The following VPS13A variants were observed in gnomAD, a reference collection of about 807,000 sequenced individuals.
VPS13A encodes the protein vacuolar protein sorting 13 homolog A, also known as intermembrane lipid transfer protein VPS13A.
In VPS13A, 264 loss-of-function variants were observed where a neutral mutation model predicts 390.9. The observed-to-expected ratio is 0.68, with a 90% CI of 0.61 to 0.75. The LOEUF is 0.75. Ranked by LOEUF, VPS13A falls within the 30% of genes least tolerant of loss-of-function variation. The pLI, the probability that VPS13A is intolerant of heterozygous loss-of-function variation, is 0.00. For synonymous variants in VPS13A, 1,231 were observed against 1,227.1 expected (o/e 1.00, Z -0.07); for missense variants, 3,409 against 3,733.9 (o/e 0.91, Z 2.27).
chr9:77,185,135 A>G (rs977818059), intron 1 of VPS13A, among the ~76,000 whole-genome samples: 1 of 151,648 alleles, frequency 6.6e-6, no homozygotes, highest in Non-Finnish European at 1.5e-5. Context: ...CATGTGGGAT[A>G]TGACATTATC....
At chr9:77,344,311 C>A (rs1215570063) in intron 51 of VPS13A, 30 bp downstream of exon 51, 1 of 1,607,900 alleles carries the variant, frequency 6.2e-7, no homozygotes, top group South Asian at 1.1e-5. Flanking sequence ...TTGCATGTGT[C>A]ATTAGGAAAG....
At chr9:77,324,715 G>C (rs753952905) in intron 45 of VPS13A, among the ~76,000 whole-genome samples, 1 of 152,044 alleles carries the variant, frequency 6.6e-6, no homozygotes, top group Non-Finnish European at 1.5e-5. Context: ...ATCTTGCTCT[G>C]TGTCCAGGCT....
rs1021406192 is a variant in VPS13A at position 77,250,309 on chromosome 9, T to G, written c.2170+80T>G. ...TTTTTAGACACTTTGAAGACCTTCC[T>G]CTTAAATGTGTTAGAACGTCTATAT... is the stretch of plus-strand genomic sequence containing the variant. On this transcript the variant is annotated intron_variant, in intron 21 of 71. Coordinates refer to ENST00000360280, the MANE Select transcript of VPS13A (RefSeq NM_033305.3). 9.4e-5 allele frequency: 141 copies of G among 1,493,528 alleles called. 1 individual carries two copies. The East Asian group carries it at 3.2e-3, about 34-fold the overall frequency. The allele number at this position is 1,493,528 out of a possible 1,614,324, so 92.5% of individuals were successfully genotyped here. A position where few individuals can be genotyped will look rare whatever the true frequency, so the allele number is the denominator to read the frequency against.
Position 77,403,261 on chromosome 9 carries a change from A to C in VPS13A, c.9215A>C (p.Lys3072Thr), listed in dbSNP as rs773919045. 3.7e-6 allele frequency: 6 copies of C among 1,612,288 alleles called. No individual in the cohort carries two copies. In the African/African-American group the frequency reaches 8.0e-5, roughly 22 times the overall value. Reference protein sequence around the residue: ...LQVMENGRFAKYKYFTHVMIN... With the variant: ...LQVMENGRFATYKYFTHVMIN... ...GTCATGGAAAATGGAAGATTTGCAA[A>C]ATACAAATATTTTACCCATGTCATG... Residue 3072 changes from lysine (K) to threonine (T), a missense_variant, in exon 69 of 72, where the codon AAA (lysine) becomes ACA (threonine). Lys to Thr is a moderately conservative substitution (Grantham distance 78). Transcript: ENST00000360280.
At chr9:77,183,372 C>T (rs1018320978) in intron 1 of VPS13A, among the ~76,000 whole-genome samples, 4 of 152,224 alleles carry the variant, frequency 2.6e-5, no homozygotes, top group Admixed American at 2.6e-4. Flanking sequence ...TATCTTCTAA[C>T]CCTCCTTGTC....
At chr9:77,359,530 T>TA (rs1231860324) in intron 58 of VPS13A, 128 bp downstream of exon 58, 9 of 911,676 alleles carry the variant, frequency 9.9e-6, no homozygotes, top group Admixed American at 2.3e-5. Flanking sequence ...AAACGTCAAA[T>TA]AAAAAAATAT....
intron 17 of VPS13A, among the ~76,000 whole-genome samples, chr9:77,234,966 C>T (rs1416946767): frequency 1.3e-5 from 2 of 152,098 alleles, no homozygotes; most frequent in Non-Finnish European, 2.9e-5. Flanking sequence ...TTCATCTTTA[C>T]GTTATCATTT....
At chr9:77,185,924 C>T (rs1023378200) in intron 1 of VPS13A, among the ~76,000 whole-genome samples, 1 of 152,072 alleles carries the variant, frequency 6.6e-6, no homozygotes, top group African/African-American at 2.4e-5. Context: ...GTTAAGAGTA[C>T]GAGACCTGCC....
At chr9:77,194,831 G>T (rs1442561700) in intron 1 of VPS13A, among the ~76,000 whole-genome samples, 1 of 151,990 alleles carries the variant, frequency 6.6e-6, no homozygotes, top group Non-Finnish European at 1.5e-5. Context: ...TCTGCTCAGA[G>T]TGTGCTGGTC....
intron 58 of VPS13A, among the ~76,000 whole-genome samples, chr9:77,359,891 AT>A (rs1474424221): frequency 6.6e-6 from 1 of 151,682 alleles, no homozygotes; most frequent in Non-Finnish European, 1.5e-5. Flanking sequence ...GATTTTGGAT[AT>A]TTTATTATTC....
chr9:77,250,074 A>G, intron 20 of VPS13A, 23 bp from the exon 21 acceptor site: 2 of 1,612,692 alleles, frequency 1.2e-6, no homozygotes, highest in East Asian at 2.2e-5. Flanking sequence ...TGCATAGTCT[A>G]AACTATTAAA....
At chr9:77,188,429 C>T (rs941934660) in intron 1 of VPS13A, among the ~76,000 whole-genome samples, 1 of 152,178 alleles carries the variant, frequency 6.6e-6, no homozygotes, top group South Asian at 2.1e-4. Flanking sequence ...ATCCATGTTG[C>T]TGCAAAGGGC....
At chr9:77,189,847 T>A (rs1824567284) in intron 1 of VPS13A, among the ~76,000 whole-genome samples, 1 of 143,640 alleles carries the variant, frequency 7.0e-6, no homozygotes, top group Non-Finnish European at 1.5e-5. Flanking sequence ...CCTAGGCATT[T>A]TATTCTTTTT....
In VPS13A at chr9:77,250,033, A is replaced by C. The variant is rs940486388; in HGVS notation, c.2038-64A>C. The C allele has an allele frequency of 9.6e-6, 15 of 1,559,582 alleles. No homozygotes were observed. The African/African-American group carries it at 2.1e-4, about 21-fold the overall frequency. ...TTAACATTTTATAAGTCTAAAAATT[A>C]AACACTTTATACTTACATTTTGAAG... On this transcript the variant is annotated intron_variant, in intron 20 of 71. Transcript: ENST00000360280.
At chr9:77,223,704 G>A (rs941746840) in intron 13 of VPS13A, among the ~76,000 whole-genome samples, 3 of 123,258 alleles carry the variant, frequency 2.4e-5, no homozygotes, top group Non-Finnish European at 5.3e-5. Flanking sequence ...TTTAAGGGAA[G>A]AAGCTGTCTC....
chr9:77,417,324 C>T lies in VPS13A; in HGVS notation c.*1318C>T, dbSNP rs903863198. ...ATTCTTCTCAGGCTCCTTAAACCCTCGCTTTGTTGTAAAAGCTAAAATAAA... is the reference window on the plus strand; with the variant it reads ...ATTCTTCTCAGGCTCCTTAAACCCTTGCTTTGTTGTAAAAGCTAAAATAAA... On this transcript the variant is annotated 3_prime_UTR_variant, in exon 72 of 72. Coordinates refer to ENST00000360280, the MANE Select transcript of VPS13A (RefSeq NM_033305.3). 4 of 152,152 alleles carry T rather than the reference C, an allele frequency of 2.6e-5. No homozygotes were observed. Among genetic ancestry groups the T allele is most frequent in the African/African-American group, 7.2e-5 (3 of 41,440 alleles). The allele number at this position is 152,152 out of a possible 1,614,324, so 9.4% of individuals were successfully genotyped here. A position where few individuals can be genotyped will look rare whatever the true frequency, so the allele number is the denominator to read the frequency against.
chr9:77,335,849 C>G (rs1195481211), intron 46 of VPS13A, among the ~76,000 whole-genome samples: 3 of 152,206 alleles, frequency 2.0e-5, no homozygotes, highest in Admixed American at 2.0e-4. Context: ...AATCCCATTA[C>G]TGGGTATATA....
intron 1 of VPS13A, among the ~76,000 whole-genome samples, chr9:77,179,063 GT>G (rs2131035725): frequency 6.6e-6 from 1 of 152,314 alleles, no homozygotes; most frequent in South Asian, 2.1e-4. Flanking sequence ...CTTGCAGTCT[GT>G]TTATGCTGCT....
chr9:77,293,252 T>A (rs1214712832), intron 31 of VPS13A, 89 bp from the exon 32 acceptor site: 3 of 1,197,870 alleles, frequency 2.5e-6, no homozygotes, highest in Non-Finnish European at 3.6e-6. Flanking sequence ...TTTCTAACTA[T>A]GTTTTGTTAT....
Sources: gnomAD v4.1 joint callset for allele counts (sites outside exome capture counted in the v4.1 genomes callset) on GRCh38, gnomAD v4.1.1 for gene constraint, MANE v1.5 for transcripts, NCBI Gene and HGNC (gene_info 2026-07-23, HGNC 2026-07-21) for gene names.